The following AP3B1 variants were observed in gnomAD, a reference collection of about 807,000 sequenced individuals.
The protein encoded by AP3B1 is adaptor related protein complex 3 subunit beta 1, also known as AP-3 complex subunit beta-1.
AP3B1 carries 61 observed loss-of-function variants against 132.5 expected under a neutral mutation model. That is an observed-to-expected ratio of 0.46 (90% CI 0.37 to 0.57). The LOEUF (loss-of-function observed/expected upper bound fraction) is 0.57, where lower values mean the gene tolerates loss of function less well. Ranked by LOEUF, AP3B1 falls within the 20% of genes least tolerant of loss-of-function variation. The pLI, the probability that AP3B1 is intolerant of heterozygous loss-of-function variation, is 0.00. For missense variants in AP3B1, 1,120 were observed against 1,289.4 expected, an observed-to-expected ratio of 0.87 and a Z score of 2.01; for synonymous variants, 388 against 438.3, an observed-to-expected ratio of 0.89 and a Z score of 1.43.
intron 1 of AP3B1, among the ~76,000 whole-genome samples, chr5:78,291,420 GAAAAAAAA>G (rs5868911): frequency 1.2e-5 from 1 of 85,718 alleles, no homozygotes; most frequent in African/African-American, 4.6e-5. Flanking sequence ...CAGATAATTT[GAAAAAAAA>G]AAAAAAAAAA....
intron 22 of AP3B1, among the ~76,000 whole-genome samples, chr5:78,051,342 G>A (rs759932334): frequency 1.4e-4 from 22 of 152,072 alleles, no homozygotes; most frequent in Non-Finnish European, 2.5e-4. Flanking sequence ...AGCTGGTAAT[G>A]GACCATATTA....
At chr5:78,053,020 C>T (rs564278067) in intron 22 of AP3B1, among the ~76,000 whole-genome samples, 1 of 152,192 alleles carries the variant, frequency 6.6e-6, no homozygotes, top group Non-Finnish European at 1.5e-5. Flanking sequence ...GAACCCAGAG[C>T]ATTTTACAGA....
intron 15 of AP3B1, among the ~76,000 whole-genome samples, chr5:78,138,308 T>C (rs1752998825): frequency 6.6e-6 from 1 of 151,254 alleles, no homozygotes; most frequent in Non-Finnish European, 1.5e-5. Flanking sequence ...TCTACTAAAA[T>C]ACAAAAAAAA....
At chr5:78,039,980 A>C (rs1486156002) in intron 22 of AP3B1, among the ~76,000 whole-genome samples, 1 of 150,922 alleles carries the variant, frequency 6.6e-6, no homozygotes, top group Non-Finnish European at 1.5e-5. Context: ...ACAGTTTGTC[A>C]ATTGATTTTC....
At chr5:78,143,918 T>C (rs1358423162) in intron 14 of AP3B1, among the ~76,000 whole-genome samples, 1 of 152,044 alleles carries the variant, frequency 6.6e-6, no homozygotes, top group East Asian at 1.9e-4. Flanking sequence ...GGTAAAAGAA[T>C]CACTTGAACT....
chr5:78,034,293 G>A (rs1410205963), intron 24 of AP3B1, 68 bp downstream of exon 24: 1 of 1,229,124 alleles, frequency 8.1e-7, no homozygotes, highest in Admixed American at 1.7e-5. Context: ...AAAAGCTGTT[G>A]AAAGCTTAGT....
chr5:78,106,460 A>G (rs941422669), intron 20 of AP3B1, among the ~76,000 whole-genome samples: 12 of 148,228 alleles, frequency 8.1e-5, no homozygotes, highest in Non-Finnish European at 1.7e-4. Flanking sequence ...TCTGTCTCAA[A>G]AAAAAGAAAG....
At chr5:78,135,227 T>C (rs1752861563) in intron 15 of AP3B1, among the ~76,000 whole-genome samples, 1 of 152,208 alleles carries the variant, frequency 6.6e-6, no homozygotes. Context: ...TCTTTTTTAA[T>C]AGCAGAAAAG....
intron 1 of AP3B1, among the ~76,000 whole-genome samples, chr5:78,283,853 T>C (rs1176370481): frequency 6.6e-6 from 1 of 152,218 alleles, no homozygotes; most frequent in Non-Finnish European, 1.5e-5. Flanking sequence ...CATTTTATGT[T>C]GCTCCTATAC....
intron 2 of AP3B1, among the ~76,000 whole-genome samples, chr5:78,260,535 A>T (rs1325200274): frequency 1.3e-5 from 2 of 152,114 alleles, no homozygotes; most frequent in African/African-American, 4.8e-5. Flanking sequence ...CGGAGGTTGC[A>T]GTGAGCTGAG....
chr5:78,044,772 C>T (rs1748248890), intron 22 of AP3B1, among the ~76,000 whole-genome samples: 1 of 152,092 alleles, frequency 6.6e-6, no homozygotes, highest in Non-Finnish European at 1.5e-5. Flanking sequence ...GATGCATGGT[C>T]CAAACATTTA....
chr5:78,150,922 T>A (rs1561441205), intron 14 of AP3B1, among the ~76,000 whole-genome samples: 1 of 152,058 alleles, frequency 6.6e-6, no homozygotes, highest in Non-Finnish European at 1.5e-5. Context: ...TTTATTTTTA[T>A]TTATTTATTT....
intron 21 of AP3B1, among the ~76,000 whole-genome samples, chr5:78,095,415 T>C (rs562971500): frequency 1.3e-5 from 2 of 152,274 alleles, no homozygotes; most frequent in Admixed American, 1.3e-4. Context: ...GAGAGTAACA[T>C]TTTAGTATCT....
chr5:78,061,611 C>A (rs796239798), intron 22 of AP3B1, among the ~76,000 whole-genome samples: 4 of 152,264 alleles, frequency 2.6e-5, no homozygotes, highest in African/African-American at 9.6e-5. Context: ...GTCTCTGCCA[C>A]AACACAATTT....
chr5:78,019,648 T>C (rs1214541782), intron 25 of AP3B1, among the ~76,000 whole-genome samples: 1 of 152,178 alleles, frequency 6.6e-6, no homozygotes, highest in African/African-American at 2.4e-5. Flanking sequence ...TTCATCGTTC[T>C]TTTTTATTGC....
At chr5:78,076,616 A>T (rs1749777732) in intron 22 of AP3B1, among the ~76,000 whole-genome samples, 1 of 152,130 alleles carries the variant, frequency 6.6e-6, no homozygotes, top group African/African-American at 2.4e-5. Flanking sequence ...ATGTGATTAG[A>T]GGGTTGGGGC....
intron 12 of AP3B1, among the ~76,000 whole-genome samples, chr5:78,163,233 A>C (rs1395380093): frequency 6.6e-6 from 1 of 152,156 alleles, no homozygotes; most frequent in Non-Finnish European, 1.5e-5. Flanking sequence ...AGTCACCCAA[A>C]GACAGCAATT....
chr5:78,105,783 A>C (rs187973351), intron 20 of AP3B1, among the ~76,000 whole-genome samples: 18 of 152,378 alleles, frequency 1.2e-4, no homozygotes, highest in African/African-American at 4.3e-4. Context: ...TTCTATGGTC[A>C]TTACTAACAA....
At chr5:78,126,420 G>A (rs1052786500) in intron 17 of AP3B1, among the ~76,000 whole-genome samples, 3 of 145,446 alleles carry the variant, frequency 2.1e-5, no homozygotes, top group Non-Finnish European at 4.5e-5. Flanking sequence ...CAGGAGAATC[G>A]CTTGAACCTG....
Sources: allele counts gnomAD v4.1 joint callset (sites outside exome capture counted in the v4.1 genomes callset), GRCh38; gene constraint gnomAD v4.1.1; transcripts MANE v1.5; gene names NCBI Gene and HGNC (gene_info 2026-07-23, HGNC 2026-07-21).